AQR: variants seen among roughly 807,000 people sequenced by gnomAD.
AQR encodes the protein RNA helicase aquarius.
A neutral mutation model predicts 180.5 loss-of-function variants in AQR; 61 were observed. That is an observed-to-expected ratio of 0.34 (90% CI 0.28 to 0.42). The LOEUF (loss-of-function observed/expected upper bound fraction) is 0.42, where lower values mean the gene tolerates loss of function less well. Among genes scored for constraint, AQR ranks in the 10% least tolerant of loss-of-function variants. The probability of loss-of-function intolerance (pLI) is 1.00; values close to 1 mark genes in which losing one functional copy is unlikely to be tolerated. For synonymous variants in AQR, 551 were observed against 588.8 expected, an observed-to-expected ratio of 0.94 and a Z score of 0.93; for missense variants, 1,281 against 1,798.3, an observed-to-expected ratio of 0.71 and a Z score of 5.20.
At chr15:34,919,022 T>C (rs904486499) in intron 14 of AQR, among the ~76,000 whole-genome samples, 3 of 152,156 alleles carry the variant, frequency 2.0e-5, no homozygotes, top group African/African-American at 7.2e-5. Context: ...GTGGATCACC[T>C]GAGGTGAGGA....
At chr15:34,861,436 G>A (rs1311267493) in intron 33 of AQR, among the ~76,000 whole-genome samples, 1 of 152,202 alleles carries the variant, frequency 6.6e-6, no homozygotes, top group African/African-American at 2.4e-5. Flanking sequence ...AGAAGATGGG[G>A]AGATGTTCTC....
chr15:34,925,408 C>T (rs961502010), intron 13 of AQR, among the ~76,000 whole-genome samples: 1 of 152,202 alleles, frequency 6.6e-6, no homozygotes, highest in Admixed American at 6.5e-5. Flanking sequence ...ATAGTCTTTT[C>T]TGAAGGAAAT....
At chr15:34,871,549 G>A (rs907207837) in intron 30 of AQR, among the ~76,000 whole-genome samples, 3 of 150,690 alleles carry the variant, frequency 2.0e-5, no homozygotes, top group African/African-American at 7.3e-5. Flanking sequence ...TGCCACAACT[G>A]TAGTTACACA....
At chr15:34,893,270 T>C (rs377183396) in intron 23 of AQR, among the ~76,000 whole-genome samples, 2 of 152,238 alleles carry the variant, frequency 1.3e-5, no homozygotes, top group African/African-American at 4.8e-5. Context: ...CCTTTCCCCA[T>C]TGGCTGGAGT....
chr15:34,964,345 G>T, intron 1 of AQR, 55 bp from the exon 2 acceptor site: 2 of 1,379,066 alleles, frequency 1.5e-6, no homozygotes, highest in South Asian at 1.2e-5. Context: ...TTGTAGAGCT[G>T]GAAGACAGAT....
At chr15:34,945,496 G>C (rs960409595) in intron 5 of AQR, among the ~76,000 whole-genome samples, 6 of 152,008 alleles carry the variant, frequency 3.9e-5, no homozygotes, top group African/African-American at 1.5e-4. Context: ...CTATTTCAAG[G>C]CCTAATCACC....
At chr15:34,885,258 T>C (rs955415178) in intron 25 of AQR, among the ~76,000 whole-genome samples, 2 of 152,336 alleles carry the variant, frequency 1.3e-5, no homozygotes, top group East Asian at 3.9e-4. Flanking sequence ...GCTTATCTTA[T>C]GACTTTTGTG....
intron 4 of AQR, among the ~76,000 whole-genome samples, chr15:34,951,652 A>T (rs1158270557): frequency 1.3e-5 from 2 of 150,564 alleles, no homozygotes; most frequent in African/African-American, 4.9e-5. Flanking sequence ...GCCTGGCAAC[A>T]GAGCGAGACT....
chr15:34,870,645 C>T, intron 31 of AQR, 107 bp downstream of exon 31: 1 of 956,546 alleles, frequency 1.0e-6, no homozygotes, highest in Non-Finnish European at 1.4e-6. Context: ...ATTTCATTTT[C>T]TCAAATATCT....
Position 34,893,606 on chromosome 15 carries a change from T to TGCACGC in AQR, c.2571+56_2571+57insGCGTGC, listed in dbSNP as rs552071481. 1,399 of 824,066 alleles carry TGCACGC rather than the reference T, an allele frequency of 1.7e-3. 17 individuals are homozygous for TGCACGC. Among genetic ancestry groups the TGCACGC allele is most frequent in the African/African-American group, 7.2e-3 (347 of 48,450 alleles). The allele number at this position is 824,066 out of a possible 1,614,324, so 51.0% of individuals were successfully genotyped here. On this transcript the variant is annotated intron_variant, in intron 23 of 34. Coordinates refer to ENST00000156471, the MANE Select transcript of AQR (RefSeq NM_014691.3). The stretch of plus-strand genomic sequence containing the variant: ...GCATACCCATGTGCATGCGCATGCG[T>TGCACGC]GCACACACACACACACACACACACA...
intron 4 of AQR, among the ~76,000 whole-genome samples, chr15:34,949,787 TCTC>T (rs1894190883): frequency 1.4e-5 from 2 of 137,982 alleles, no homozygotes; most frequent in Non-Finnish European, 3.1e-5. Flanking sequence ...TGAGACCTTA[TCTC>T]TATTAAAAAA....
In AQR at chr15:34,918,250, T is replaced by C; in HGVS notation, c.1342+8A>G. The C allele has an allele frequency of 2.5e-6, 4 of 1,610,836 alleles. No homozygotes were observed. The highest frequency in any genetic ancestry group is 2.5e-6 in the Non-Finnish European group (3 of 1,179,024). On this transcript the variant is annotated splice_region_variant and intron_variant, in intron 15 of 34. Coordinates refer to ENST00000156471, the MANE Select transcript of AQR (RefSeq NM_014691.3). ...TTGTACAGCTGAATCCATACTTCTT[T>C]ACCATACCTTCTCCAGAATAGTACT... is the stretch of plus-strand genomic sequence containing the variant.
chr15:34,945,311 C>G (rs1256502517), intron 5 of AQR, among the ~76,000 whole-genome samples: 2 of 152,150 alleles, frequency 1.3e-5, no homozygotes, highest in African/African-American at 4.8e-5. Flanking sequence ...TTATTCCTCA[C>G]TCTCTATTAC....
At chr15:34,915,511 T>C (rs1007631085) in intron 15 of AQR, among the ~76,000 whole-genome samples, 2 of 151,960 alleles carry the variant, frequency 1.3e-5, no homozygotes, top group Admixed American at 6.6e-5. Flanking sequence ...TTTAATCAGA[T>C]ATTTGTTCTC....
Position 34,932,485 on chromosome 15 carries a change from T to G in AQR, c.784-51A>C, listed in dbSNP as rs201923192. The G allele has an allele frequency of 3.0e-3, 3,886 of 1,307,766 alleles. 12 individuals are homozygous for G. The highest frequency in any genetic ancestry group is 3.7e-3 in the Non-Finnish European group (3,503 of 943,968). 81.0% of individuals were successfully genotyped at this position (1,307,766 alleles called of 1,614,324 possible). ...TAAGTTTGCATCTATTCTCCACAGCTAGAAGTGAAATCTAGTGATATTTAA... is the reference window on the plus strand; with the variant it reads ...TAAGTTTGCATCTATTCTCCACAGCGAGAAGTGAAATCTAGTGATATTTAA... On this transcript the variant is annotated intron_variant, in intron 10 of 34. Coordinates refer to ENST00000156471, the MANE Select transcript of AQR (RefSeq NM_014691.3).
intron 21 of AQR, among the ~76,000 whole-genome samples, chr15:34,897,234 T>C (rs1042781852): frequency 6.6e-6 from 1 of 152,176 alleles, no homozygotes; most frequent in Non-Finnish European, 1.5e-5. Flanking sequence ...ATAATGCCAA[T>C]TTACTAGTTA....
intron 22 of AQR, 54 bp from the exon 23 acceptor site, chr15:34,893,827 A>AT (rs1432798809): frequency 2.0e-6 from 3 of 1,497,066 alleles, no homozygotes; most frequent in Admixed American, 1.7e-5. Flanking sequence ...GTTATCACAC[A>AT]TTGTTAGAAA....
chr15:34,871,019 T>C, intron 30 of AQR, 97 bp from the exon 31 acceptor site: 1 of 1,187,522 alleles, frequency 8.4e-7, no homozygotes, highest in Non-Finnish European at 1.2e-6. Context: ...TTGTTCACTT[T>C]GCACACTGCA....
At chr15:34,906,818 T>C in intron 17 of AQR, 106 bp from the exon 18 acceptor site, 8 of 1,034,548 alleles carry the variant, frequency 7.7e-6, no homozygotes, top group South Asian at 1.8e-5. Context: ...GGTAGAGAGA[T>C]ACCGTTGAGT....
Sources: allele counts gnomAD v4.1 joint callset (sites outside exome capture counted in the v4.1 genomes callset), GRCh38; gene constraint gnomAD v4.1.1; transcripts MANE v1.5; gene names NCBI Gene and HGNC (gene_info 2026-07-23, HGNC 2026-07-21).